SLC24A2: variants seen among roughly 807,000 people sequenced by gnomAD.
The protein encoded by SLC24A2 is solute carrier family 24 member 2, also known as sodium/potassium/calcium exchanger 2.
A neutral mutation model predicts 62.0 loss-of-function variants in SLC24A2; 36 were observed. The observed-to-expected ratio is 0.58, with a 90% CI of 0.44 to 0.77. SLC24A2 has a LOEUF of 0.77. Ranked by LOEUF, SLC24A2 falls within the 30% of genes least tolerant of loss-of-function variation. SLC24A2 has a pLI of 0.00. For missense variants in SLC24A2, 846 were observed against 817.9 expected, an observed-to-expected ratio of 1.03 and a Z score of -0.42; for synonymous variants, 358 against 294.0, an observed-to-expected ratio of 1.22 and a Z score of -2.23.
the SLC24A2 span, among the ~76,000 whole-genome samples, chr9:19,848,507 A>T: frequency 6.6e-6 from 1 of 152,230 alleles, no homozygotes; most frequent in Non-Finnish European, 1.5e-5. Context: ...TATAAATGAT[A>T]TGTATAGTAT....
At chr9:19,676,663 C>T (rs1293094427) in intron 2 of SLC24A2, among the ~76,000 whole-genome samples, 1 of 152,012 alleles carries the variant, frequency 6.6e-6, no homozygotes, top group Non-Finnish European at 1.5e-5. Flanking sequence ...AATAAATAAA[C>T]CCTTGATTAG....
chr9:20,231,821 T>A, the SLC24A2 span, among the ~76,000 whole-genome samples: 7 of 152,098 alleles, frequency 4.6e-5, no homozygotes, highest in Non-Finnish European at 8.8e-5. Context: ...CCCGTTTTCA[T>A]AGGTAATGCT....
the SLC24A2 span, among the ~76,000 whole-genome samples, chr9:20,225,039 C>T: frequency 6.6e-6 from 1 of 152,062 alleles, no homozygotes; most frequent in South Asian, 2.1e-4. Context: ...CAGAGGAAAC[C>T]ACATCTTTGC....
chr9:19,986,957 TAAA>T, the SLC24A2 span, among the ~76,000 whole-genome samples: 289 of 152,042 alleles, frequency 1.9e-3, 6 homozygotes, highest in African/African-American at 6.5e-3. Context: ...AGTTAAGAAA[TAAA>T]AAGGATACTG....
At chr9:20,263,890 C>G in the SLC24A2 span, among the ~76,000 whole-genome samples, 1 of 132,396 alleles carries the variant, frequency 7.6e-6, no homozygotes, top group African/African-American at 2.8e-5. Context: ...GGCTCTAACA[C>G]AATGAAGGCT....
At position 19,516,278 on chromosome 9, in the gene SLC24A2, TAGAG is replaced by T. The variant is rs1563924551; in HGVS notation, c.1857_1860del (p.Ile621ProfsTer7). The T allele has an allele frequency of 1.2e-6, 2 of 1,613,760 alleles. No homozygotes were observed. Among genetic ancestry groups the T allele is most frequent in the Admixed American group, 1.7e-5 (1 of 60,000 alleles). Reference sequence around the variant, plus strand: ...TTCATTCGCCACTTGCAGAGGGCGATAGAGAGGATGACGAAGAGCAGCATGATGA... The same window carrying T: ...TTCATTCGCCACTTGCAGAGGGCGATAGGATGACGAAGAGCAGCATGATGA... On this transcript the variant is annotated frameshift_variant, in exon 11 of 11. Coordinates refer to ENST00000341998, the MANE Select transcript of SLC24A2 (RefSeq NM_020344.4). LOFTEE classifies it high-confidence loss of function.
At chr9:19,924,450 C>T in the SLC24A2 span, among the ~76,000 whole-genome samples, 1 of 152,162 alleles carries the variant, frequency 6.6e-6, no homozygotes, top group Admixed American at 6.5e-5. Context: ...GACTTACACC[C>T]CTTGTGGCTT....
chr9:20,042,748 G>A, the SLC24A2 span, among the ~76,000 whole-genome samples: 652 of 152,260 alleles, frequency 4.3e-3, 10 homozygotes, highest in African/African-American at 0.014. Flanking sequence ...TTTTCCAACA[G>A]CATGTGCTCA....
the SLC24A2 span, among the ~76,000 whole-genome samples, chr9:19,923,254 T>A: frequency 2.0e-5 from 3 of 152,200 alleles, no homozygotes; most frequent in African/African-American, 7.2e-5. Flanking sequence ...TACCATACTT[T>A]CCTGCATTTC....
At chr9:20,049,861 G>A in the SLC24A2 span, among the ~76,000 whole-genome samples, 1 of 151,974 alleles carries the variant, frequency 6.6e-6, no homozygotes, top group Admixed American at 6.6e-5. Context: ...TTAGCACAAT[G>A]GAACAGACAT....
chr9:19,892,992 G>A, the SLC24A2 span, among the ~76,000 whole-genome samples: 1 of 152,220 alleles, frequency 6.6e-6, no homozygotes, highest in East Asian at 1.9e-4. Flanking sequence ...CCTCTAGAGG[G>A]GAAGAAAACA....
chr9:19,934,197 C>T, the SLC24A2 span, among the ~76,000 whole-genome samples: 3 of 152,158 alleles, frequency 2.0e-5, no homozygotes, highest in Non-Finnish European at 4.4e-5. This position sits in a 1 kb window ranked among gnomAD's most constrained non-coding sequence, Gnocchi z 4.1. Context: ...TTTATGACGC[C>T]TACAGCCTGG....
chr9:20,281,591 G>A, the SLC24A2 span, among the ~76,000 whole-genome samples: 382 of 152,248 alleles, frequency 2.5e-3, 1 homozygote, highest in African/African-American at 8.8e-3. Flanking sequence ...ATTCTTTTAT[G>A]TGTGTCTTCT....
intron 2 of SLC24A2, among the ~76,000 whole-genome samples, chr9:19,666,724 A>G (rs1320039012): frequency 6.6e-6 from 1 of 152,144 alleles, no homozygotes; most frequent in African/African-American, 2.4e-5. Context: ...TCCCCTGTCT[A>G]AAGGGCTACT....
At chr9:19,807,162 C>A in the SLC24A2 span, among the ~76,000 whole-genome samples, 85 of 152,254 alleles carry the variant, frequency 5.6e-4, no homozygotes, top group Non-Finnish European at 1.0e-3. Flanking sequence ...TGGAAACAAT[C>A]CTGCTGATCT....
chr9:19,841,369 G>A, the SLC24A2 span, among the ~76,000 whole-genome samples: 8 of 152,130 alleles, frequency 5.3e-5, no homozygotes, highest in Non-Finnish European at 8.8e-5. Context: ...GAGATGAGGG[G>A]CAAGTCATCT....
intron 2 of SLC24A2, among the ~76,000 whole-genome samples, chr9:19,774,252 A>T (rs1387109361): frequency 6.6e-6 from 1 of 152,176 alleles, no homozygotes; most frequent in Non-Finnish European, 1.5e-5. Flanking sequence ...GTTTAATCTC[A>T]TCAAAAATTC....
the SLC24A2 span, among the ~76,000 whole-genome samples, chr9:20,277,468 C>T: frequency 4.0e-5 from 6 of 151,544 alleles, no homozygotes; most frequent in Admixed American, 6.6e-5. Context: ...TTTAGGCAGC[C>T]GCAAGACACA....
intron 2 of SLC24A2, among the ~76,000 whole-genome samples, chr9:19,634,517 A>G (rs768334945): frequency 1.3e-5 from 2 of 151,828 alleles, no homozygotes; most frequent in Non-Finnish European, 2.9e-5. Flanking sequence ...CAAACTCCCA[A>G]CCTCAGGTGA....
Sources: gnomAD v4.1 joint callset for allele counts (sites outside exome capture counted in the v4.1 genomes callset) on GRCh38, gnomAD v4.1.1 for gene constraint, Gnocchi (gnomAD v3.1) non-coding constraint, MANE v1.5 for transcripts, NCBI Gene and HGNC (gene_info 2026-07-23, HGNC 2026-07-21) for gene names.